Variants in ATG7 observed in about 807,000 individuals in gnomAD.
ATG7 encodes autophagy related 7.
In ATG7, 70 loss-of-function variants were observed where a neutral mutation model predicts 82.4. That is an observed-to-expected ratio of 0.85 (90% confidence interval 0.70 to 1.04). The LOEUF (loss-of-function observed/expected upper bound fraction) is 1.04. Ranked by LOEUF, ATG7 falls within the 50% of genes least tolerant of loss-of-function variation. The pLI is 0.00. For missense variants in ATG7, 792 were observed against 864.3 expected, an observed-to-expected ratio of 0.92 and a Z score of 1.05; for synonymous variants, 287 against 313.0, an observed-to-expected ratio of 0.92 and a Z score of 0.88.
At chr3:11,290,506 G>T in intron 3 of ATG7, 1 of 338,160 alleles carries the variant, frequency 3.0e-6, no homozygotes. Context: ...TTTTACTTTT[G>T]GTAGTGGATC....
In ATG7 at chr3:11,272,932, T is replaced by G. The variant is rs150236884; in HGVS notation, c.-366+502T>G. Reference sequence around the variant, plus strand: ...GATTCTCGATTCCTTGGTTACAGGGTTAGAAACTAATGCACAATAAGAATC... The same window carrying G: ...GATTCTCGATTCCTTGGTTACAGGGGTAGAAACTAATGCACAATAAGAATC... On this transcript the variant is annotated intron_variant, in intron 1 of 20. Coordinates refer to ENST00000693202, the MANE Select transcript of ATG7 (RefSeq NM_001349232.2). 1.6e-4 allele frequency among the ~76,000 whole-genome samples: 25 copies of G among 152,362 alleles called. No homozygotes were observed. In the East Asian group the frequency reaches 4.6e-3, roughly 28 times the overall value.
Position 11,554,931 on chromosome 3 carries a change from G to C in ATG7, c.*88G>C. The C allele has an allele frequency of 6.7e-7, 1 of 1,495,772 alleles. No homozygotes were observed. The highest frequency in any genetic ancestry group is 1.2e-5 in the South Asian group (1 of 81,506). The allele number at this position is 1,495,772 out of a possible 1,614,324, so 92.7% of individuals were successfully genotyped here. A position where few individuals can be genotyped will look rare whatever the true frequency, so the allele number is the denominator to read the frequency against. On this transcript the variant is annotated 3_prime_UTR_variant, in exon 21 of 21. Transcript: ENST00000693202. ...AGCAGGACTGCTGACCCCAGGCCTG[G>C]TGATTCTGGGCCCCTCCTCCATACC...
intron 20 of ATG7, among the ~76,000 whole-genome samples, chr3:11,482,694 A>T (rs1574934882): frequency 6.6e-6 from 1 of 151,982 alleles, no homozygotes; most frequent in Non-Finnish European, 1.5e-5. Flanking sequence ...AGTGATAGAG[A>T]GCTGACCTCT....
At chr3:11,533,483 CTTTGA>C (rs2092730224) in intron 20 of ATG7, among the ~76,000 whole-genome samples, 1 of 145,134 alleles carries the variant, frequency 6.9e-6, no homozygotes, top group African/African-American at 2.6e-5. Flanking sequence ...ACAACATGAA[CTTTGA>C]TTTGTCTTCT....
intron 19 of ATG7, among the ~76,000 whole-genome samples, chr3:11,397,861 T>C (rs1022190045): frequency 6.7e-6 from 1 of 149,782 alleles, no homozygotes; most frequent in Admixed American, 6.6e-5. Context: ...GGTGGGCGGA[T>C]CACCTGAGGT....
intron 14 of ATG7, among the ~76,000 whole-genome samples, chr3:11,357,752 T>G (rs530196889): frequency 5.3e-5 from 8 of 152,174 alleles, no homozygotes; most frequent in African/African-American, 1.7e-4. Flanking sequence ...GGCTCATGCC[T>G]GTAATTCCAG....
intron 20 of ATG7, among the ~76,000 whole-genome samples, chr3:11,434,118 C>T (rs1362582800): frequency 6.6e-6 from 1 of 152,202 alleles, no homozygotes; most frequent in Non-Finnish European, 1.5e-5. Context: ...AGTGTTTCTG[C>T]TGGGCCTTTT....
chr3:11,427,319 C>T (rs1403064529), intron 20 of ATG7, among the ~76,000 whole-genome samples: 1 of 152,118 alleles, frequency 6.6e-6, no homozygotes, highest in Non-Finnish European at 1.5e-5. Context: ...AGGTATTGGA[C>T]TCTGGCCATG....
chr3:11,460,729 T>C (rs537661194), intron 20 of ATG7, among the ~76,000 whole-genome samples: 19 of 152,308 alleles, frequency 1.2e-4, no homozygotes, highest in African/African-American at 4.1e-4. Context: ...GACATATAAA[T>C]TTTGACAAAT....
At chr3:11,479,668 A>G (rs1262039082) in intron 20 of ATG7, among the ~76,000 whole-genome samples, 1 of 152,216 alleles carries the variant, frequency 6.6e-6, no homozygotes, top group Non-Finnish European at 1.5e-5. Flanking sequence ...ATAAATAAAT[A>G]AAAATAAGAA....
chr3:11,331,460 T>TCTGC (rs1951638598), intron 10 of ATG7, 32 bp downstream of exon 10: 1 of 1,487,124 alleles, frequency 6.7e-7, no homozygotes, highest in Non-Finnish European at 9.4e-7. Flanking sequence ...TGTCTGTCTG[T>TCTGC]CTGCCTTTGC....
rs2072492661 is a variant in ATG7, at chr3:11,557,044, G to C, written c.*2201G>C. Reference sequence around the variant, plus strand: ...GTGCAGAGTCCACAAAGCCTTGCAGGTGAGGTGACCACGCCCACGTCACCT... The same window carrying C: ...GTGCAGAGTCCACAAAGCCTTGCAGCTGAGGTGACCACGCCCACGTCACCT... On this transcript the variant is annotated 3_prime_UTR_variant, in exon 21 of 21. Coordinates refer to ENST00000693202, the MANE Select transcript of ATG7 (RefSeq NM_001349232.2). 1 of 152,474 alleles carries C rather than the reference G, an allele frequency of 6.6e-6. No individual in the cohort carries two copies. The highest frequency in any genetic ancestry group is 2.4e-5 in the African/African-American group (1 of 41,434). The allele number at this position is 152,474 out of a possible 1,614,324, so 9.4% of individuals were successfully genotyped here.
intron 10 of ATG7, 144 bp from the exon 11 acceptor site, chr3:11,332,828 C>T (rs1032957957): frequency 1.9e-5 from 15 of 798,896 alleles, no homozygotes; most frequent in Non-Finnish European, 2.6e-5. Context: ...AGAGTTAAGG[C>T]CATCTCCTGT....
At chr3:11,402,304 G>A (rs565208697) in intron 19 of ATG7, among the ~76,000 whole-genome samples, 20 of 152,294 alleles carry the variant, frequency 1.3e-4, no homozygotes, top group South Asian at 4.1e-4. Flanking sequence ...GTAGTGGCAG[G>A]CGCCTGTAAT....
intron 3 of ATG7, among the ~76,000 whole-genome samples, chr3:11,293,799 C>T (rs950683503): frequency 7.9e-5 from 12 of 151,070 alleles, no homozygotes; most frequent in South Asian, 4.2e-4. Flanking sequence ...TTCAGTGAGC[C>T]GAGATCATGC....
intron 20 of ATG7, among the ~76,000 whole-genome samples, chr3:11,439,315 C>T (rs1237631155): frequency 2.0e-5 from 3 of 152,038 alleles, no homozygotes; most frequent in Non-Finnish European, 4.4e-5. Flanking sequence ...ATGATCTGCC[C>T]GTCTCAGCCT....
At chr3:11,558,728 G>GTGA (rs746676798), downstream of ATG7, 1 of 1,614,020 alleles carries the variant, frequency 6.2e-7, no homozygotes, top group Non-Finnish European at 8.5e-7. Context: ...CACGGAGCCC[G>GTGA]TGATGGACAC....
Position 11,302,188 on chromosome 3 carries a change from GGCTAATTAACTGT to G in ATG7, c.215+2777_215+2789del, listed in dbSNP as rs550422601. On this transcript the variant is annotated intron_variant, in intron 5 of 20. Coordinates refer to ENST00000693202, the MANE Select transcript of ATG7 (RefSeq NM_001349232.2). ...CGAAGTTTGAAGATTTGGAATCTAT[GGCTAATTAACTGT>G]GCTACTTCAATAAGCTCTTTTAGTT... Among the ~76,000 whole-genome samples, 643 of 152,294 alleles carry G rather than the reference GGCTAATTAACTGT, an allele frequency of 4.2e-3. 4 individuals are homozygous for G. Among genetic ancestry groups the G allele is most frequent in the African/African-American group, 0.015 (605 of 41,554 alleles).
chr3:11,575,724 A>G, the ATG7 span, among the ~76,000 whole-genome samples: 8 of 152,208 alleles, frequency 5.3e-5, no homozygotes, highest in African/African-American at 1.7e-4. Context: ...CATTCTCCCT[A>G]TGGTGGCCCA....
Sources: gnomAD v4.1 joint callset for allele counts (sites outside exome capture counted in the v4.1 genomes callset) on GRCh38, gnomAD v4.1.1 for gene constraint, MANE v1.5 for transcripts, NCBI Gene and HGNC (gene_info 2026-07-23, HGNC 2026-07-21) for gene names.